ADARB1: variants seen among roughly 807,000 people sequenced by gnomAD.
ADARB1 encodes the protein adenosine deaminase RNA specific B1, also known as double-stranded RNA-specific editase 1.
In ADARB1, 10 loss-of-function variants were observed where a neutral mutation model predicts 52.4. That is an observed-to-expected ratio of 0.19 (90% confidence interval 0.12 to 0.32). The LOEUF (loss-of-function observed/expected upper bound fraction) is 0.32. Ranked by LOEUF, ADARB1 falls within the 10% of genes least tolerant of loss-of-function variation. The pLI, the probability that ADARB1 is intolerant of heterozygous loss-of-function variation, is 1.00. For missense variants in ADARB1, 643 were observed against 922.3 expected, an observed-to-expected ratio of 0.70 and a Z score of 3.92; for synonymous variants, 349 against 371.1, an observed-to-expected ratio of 0.94 and a Z score of 0.68.
At chr21:45,078,712 G>A (rs906775132) in intron 1 of ADARB1, among the ~76,000 whole-genome samples, 1 of 152,220 alleles carries the variant, frequency 6.6e-6, no homozygotes, top group Non-Finnish European at 1.5e-5. Context: ...GCTGTGGTAA[G>A]GAATTTAGAT....
At chr21:45,127,706 C>T (rs2088676986) in intron 1 of ADARB1, among the ~76,000 whole-genome samples, 2 of 152,188 alleles carry the variant, frequency 1.3e-5, no homozygotes, top group Admixed American at 1.3e-4. Flanking sequence ...GAAACCCGCT[C>T]ACCCCTGGAC....
chr21:45,200,193 AG>A lies in ADARB1; in HGVS notation c.1566-4360del, dbSNP rs2092519151. The stretch of plus-strand genomic sequence containing the variant: ...TTCCCCTTACACAGGACACAGTGAC[AG>A]GCAGAGGGCCCAGGGCCATGGTAGG... On this transcript the variant is annotated intron_variant, in intron 8 of 10. Transcript: ENST00000348831. This position sits in a 1 kb window ranked among gnomAD's most constrained non-coding sequence, Gnocchi z 5.0. 6.6e-6 allele frequency among the ~76,000 whole-genome samples: 1 copy of A among 152,134 alleles called. No individual in the cohort carries two copies. Among genetic ancestry groups the A allele is most frequent in the Non-Finnish European group, 1.5e-5 (1 of 68,004 alleles).
chr21:45,076,691 T>A (rs982797548), intron 1 of ADARB1, among the ~76,000 whole-genome samples: 1 of 152,216 alleles, frequency 6.6e-6, no homozygotes, highest in African/African-American at 2.4e-5. Context: ...AGAGGCTAAT[T>A]TCACTTCCTC....
At chr21:45,119,158 T>A (rs1286088318) in intron 1 of ADARB1, among the ~76,000 whole-genome samples, 5 of 152,216 alleles carry the variant, frequency 3.3e-5, no homozygotes, top group Admixed American at 3.3e-4. Context: ...AGTGTGATCG[T>A]GGCTCACTGC....
chr21:45,171,171 C>G (rs2091466402), intron 2 of ADARB1, among the ~76,000 whole-genome samples: 1 of 152,178 alleles, frequency 6.6e-6, no homozygotes, highest in Non-Finnish European at 1.5e-5. Flanking sequence ...TGTCCTTAGT[C>G]CATCCTGCAG....
At chr21:45,121,884 T>C (rs1196417561) in intron 1 of ADARB1, among the ~76,000 whole-genome samples, 3 of 152,328 alleles carry the variant, frequency 2.0e-5, no homozygotes, top group African/African-American at 7.2e-5. Flanking sequence ...CAAGGCTGTT[T>C]TCCCAGCTGT....
intron 2 of ADARB1, among the ~76,000 whole-genome samples, chr21:45,169,576 TC>T (rs1331284797): frequency 2.6e-5 from 4 of 152,190 alleles, no homozygotes; most frequent in Non-Finnish European, 5.9e-5. Flanking sequence ...CATCTCTCAG[TC>T]TTTTTATGTG....
At chr21:45,191,706 C>A (rs11702339) in intron 8 of ADARB1, among the ~76,000 whole-genome samples, 1 of 151,256 alleles carries the variant, frequency 6.6e-6, no homozygotes, top group African/African-American at 2.4e-5. Context: ...TATACTTTTT[C>A]TAAACTTTTT....
chr21:45,139,910 TA>T (rs1159976123), intron 2 of ADARB1, among the ~76,000 whole-genome samples: 4 of 149,366 alleles, frequency 2.7e-5, no homozygotes, highest in Non-Finnish European at 4.5e-5. Flanking sequence ...TTTACTGAGG[TA>T]AAATGTACAG....
intron 5 of ADARB1, among the ~76,000 whole-genome samples, chr21:45,181,771 G>A (rs914981137): frequency 2.0e-5 from 3 of 152,246 alleles, no homozygotes; most frequent in African/African-American, 4.8e-5. Flanking sequence ...GGGGGCTCCC[G>A]CTGGTTGAGT....
In ADARB1 at chr21:45,220,116, C is replaced by T. The variant is rs905395889; in HGVS notation, c.1748-720C>T. On this transcript the variant is annotated intron_variant, in intron 9 of 10. Coordinates refer to ENST00000348831, the MANE Select transcript of ADARB1 (RefSeq NM_001112.4). This position sits in a 1 kb window ranked among gnomAD's most constrained non-coding sequence, Gnocchi z 6.3. ...AGAAGTCATGTAGCTCTGATAGGAG[C>T]GCTTTTCAAACAGATGTCTTAATCT... Among the ~76,000 whole-genome samples the T allele has an allele frequency of 2.0e-5, 3 of 151,734 alleles. No individual in the cohort carries two copies. Among genetic ancestry groups the T allele is most frequent in the African/African-American group, 2.4e-5 (1 of 41,254 alleles).
intron 2 of ADARB1, among the ~76,000 whole-genome samples, chr21:45,148,209 C>T (rs556445348): frequency 2.1e-4 from 32 of 152,318 alleles, no homozygotes; most frequent in Admixed American, 7.2e-4. Context: ...TATGCCCTCA[C>T]GGACCTGCCC....
At chr21:45,134,872 A>G (rs1367579519) in intron 2 of ADARB1, 1 of 529,626 alleles carries the variant, frequency 1.9e-6, no homozygotes, top group East Asian at 5.5e-5. Flanking sequence ...GGCACCCAGC[A>G]CCACACCCCT....
intron 1 of ADARB1, chr21:45,120,827 T>G (rs968671645): frequency 4.1e-4 from 62 of 152,234 alleles, no homozygotes; most frequent in African/African-American, 1.3e-3. Context: ...GTGAGGTTTA[T>G]TCTACTAATG....
intron 8 of ADARB1, among the ~76,000 whole-genome samples, chr21:45,191,062 ATTG>A (rs1282249144): frequency 3.3e-5 from 5 of 152,208 alleles, no homozygotes; most frequent in Admixed American, 2.0e-4. Flanking sequence ...TGGTCTGTAT[ATTG>A]TTGTTAACTC....
intron 9 of ADARB1, among the ~76,000 whole-genome samples, chr21:45,207,041 C>T (rs1191396142): frequency 1.3e-5 from 2 of 152,164 alleles, no homozygotes; most frequent in Non-Finnish European, 2.9e-5. Flanking sequence ...TTCTGTGTCT[C>T]GGGTTCTTCA....
intron 8 of ADARB1, among the ~76,000 whole-genome samples, chr21:45,185,422 C>T (rs2092070764): frequency 6.6e-6 from 1 of 151,892 alleles, no homozygotes; most frequent in Non-Finnish European, 1.5e-5. Flanking sequence ...CTACTGGCTT[C>T]TCCTCATTAG....
At chr21:45,189,842 T>A (rs1340852517) in intron 8 of ADARB1, among the ~76,000 whole-genome samples, 1 of 152,040 alleles carries the variant, frequency 6.6e-6, no homozygotes, top group African/African-American at 2.4e-5. Flanking sequence ...CCCTTGTATA[T>A]GACAAATGGC....
rs1259888985 is a variant in ADARB1 at position 45,200,141 on chromosome 21, T to G, written c.1566-4414T>G. Among the ~76,000 whole-genome samples, 1 of 151,852 alleles carries G rather than the reference T, an allele frequency of 6.6e-6. No homozygotes were observed. The highest frequency in any genetic ancestry group is 1.5e-5 in the Non-Finnish European group (1 of 67,966). On this transcript the variant is annotated intron_variant, in intron 8 of 10. Coordinates refer to ENST00000348831, the MANE Select transcript of ADARB1 (RefSeq NM_001112.4). This position sits in a 1 kb window ranked among gnomAD's most constrained non-coding sequence, Gnocchi z 5.0. Reference sequence around the variant, plus strand: ...GGAGCAGCCACCTTGGAGGGCCAGGTGGATGGGGCTGGGTGAGGCTGAACT... The same window carrying G: ...GGAGCAGCCACCTTGGAGGGCCAGGGGGATGGGGCTGGGTGAGGCTGAACT...
Sources: gnomAD v4.1 joint callset for allele counts (sites outside exome capture counted in the v4.1 genomes callset) on GRCh38, gnomAD v4.1.1 for gene constraint, Gnocchi (gnomAD v3.1) non-coding constraint, MANE v1.5 for transcripts, NCBI Gene and HGNC (gene_info 2026-07-23, HGNC 2026-07-21) for gene names.